The following ZNF462 variants were observed in gnomAD, a reference collection of about 807,000 sequenced individuals.
ZNF462 encodes zinc finger PBX1-interacting protein.
ZNF462 carries 10 observed loss-of-function variants against 201.9 expected under a neutral mutation model. That is an observed-to-expected ratio of 0.05 (90% CI 0.03 to 0.08). The LOEUF (loss-of-function observed/expected upper bound fraction) is 0.08. ZNF462 is among the 10% of genes least tolerant of loss of function. The pLI is 1.00. For synonymous variants in ZNF462, 1,227 were observed against 1,193.3 expected (o/e 1.03, Z -0.58); for missense variants, 2,523 against 3,168.3 (o/e 0.80, Z 4.89).
rs1470428784 is a variant in ZNF462, at chr9:106,993,913, GAC to G, written c.7057-9379_7057-9378del. On this transcript the variant is annotated intron_variant, in intron 10 of 12. Coordinates refer to ENST00000277225, the MANE Select transcript of ZNF462 (RefSeq NM_021224.6). This position sits in a 1 kb window ranked among gnomAD's most constrained non-coding sequence, Gnocchi z 4.0. ...GTGTGAGCCACTGTGCCCAGCCTAA[GAC>G]AACATCTTTAGGAACCTTAAAGTCA... Among the ~76,000 whole-genome samples the G allele has an allele frequency of 6.6e-6, 1 of 151,932 alleles. No homozygotes were observed. Among genetic ancestry groups the G allele is most frequent in the African/African-American group, 2.4e-5 (1 of 41,372 alleles).
At chr9:106,939,249 T>C (rs1009954108) in intron 7 of ZNF462, 142 bp downstream of exon 7, 2 of 939,766 alleles carry the variant, frequency 2.1e-6, no homozygotes, top group South Asian at 1.9e-5. Context: ...AAAGTTGAAA[T>C]GGTGTGGAAG....
intron 7 of ZNF462, among the ~76,000 whole-genome samples, chr9:106,940,677 G>A (rs948969305): frequency 3.3e-5 from 5 of 152,080 alleles, no homozygotes; most frequent in Non-Finnish European, 7.4e-5. Context: ...TGATGGCTAC[G>A]ACTTGTAATG....
chr9:106,974,098 G>C lies in ZNF462; in HGVS notation c.6696-39G>C, dbSNP rs200424655. ...GAAATGTGAAAATGCAATGATCCCT[G>C]GTTACACGCATCACCTCTCCTCCCA... On this transcript the variant is annotated intron_variant, in intron 8 of 12. Transcript: ENST00000277225. The surrounding 1 kb of genome is among the most constrained non-coding windows in gnomAD (Gnocchi z 4.0). The C allele has an allele frequency of 3.7e-5, 59 of 1,612,978 alleles. No individual in the cohort carries two copies. Among genetic ancestry groups the C allele is most frequent in the Admixed American group, 3.3e-4 (20 of 59,964 alleles).
rs1435697444 is a variant in ZNF462, at chr9:106,935,861, C to A, written c.6235+240C>A. 6.6e-6 allele frequency among the ~76,000 whole-genome samples: 1 copy of A among 152,172 alleles called. No individual in the cohort carries two copies. The highest frequency in any genetic ancestry group is 2.4e-5 in the African/African-American group (1 of 41,430). ...TATGTCACCCATGTTATGGTTAGTT[C>A]GTTCGTCCTACTGACAAGTTAGAAT... On this transcript the variant is annotated intron_variant, in intron 6 of 12. Transcript: ENST00000277225. The surrounding 1 kb of genome is among the most constrained non-coding windows in gnomAD (Gnocchi z 4.1).
rs1827302035 is a variant in ZNF462 at position 106,865,750 on chromosome 9, C to G, written c.-31+2395C>G. ...ATGTCAGTTGAGAAAACCTTATGTCCAGGTATCTTCACCTTTTTAATTGGG... is the reference window on the plus strand; with the variant it reads ...ATGTCAGTTGAGAAAACCTTATGTCGAGGTATCTTCACCTTTTTAATTGGG... On this transcript the variant is annotated intron_variant, in intron 1 of 12. Coordinates refer to ENST00000277225, the MANE Select transcript of ZNF462 (RefSeq NM_021224.6). The surrounding 1 kb of genome is among the most constrained non-coding windows in gnomAD (Gnocchi z 4.1). Among the ~76,000 whole-genome samples the G allele has an allele frequency of 1.3e-5, 2 of 152,132 alleles. No individual in the cohort carries two copies. Among genetic ancestry groups the G allele is most frequent in the African/African-American group, 4.8e-5 (2 of 41,436 alleles).
At chr9:106,908,409 C>T (rs1266595305) in intron 1 of ZNF462, among the ~76,000 whole-genome samples, 1 of 151,996 alleles carries the variant, frequency 6.6e-6, no homozygotes, top group Middle Eastern at 3.2e-3. Flanking sequence ...ATTAAGTGTT[C>T]ATCTCTATCA....
In ZNF462 at chr9:106,905,215, C is replaced by T. The variant is rs1355496607; in HGVS notation, c.-30-18139C>T. ...CTCTCTTCTGGGTCTAGCTACCCAG[C>T]GAGTCCACCCAGCAACAGGCTGGTT... On this transcript the variant is annotated intron_variant, in intron 1 of 12. Coordinates refer to ENST00000277225, the MANE Select transcript of ZNF462 (RefSeq NM_021224.6). This position sits in a 1 kb window ranked among gnomAD's most constrained non-coding sequence, Gnocchi z 5.9. Among the ~76,000 whole-genome samples, 7 of 152,166 alleles carry T rather than the reference C, an allele frequency of 4.6e-5. No homozygotes were observed. The highest frequency in any genetic ancestry group is 5.9e-5 in the Non-Finnish European group (4 of 68,038).
intron 10 of ZNF462, among the ~76,000 whole-genome samples, chr9:106,990,839 A>C (rs1828216114): frequency 6.6e-6 from 1 of 152,004 alleles, no homozygotes; most frequent in African/African-American, 2.4e-5. Context: ...TGAATTTTTG[A>C]AATAATTCTC....
At position 106,993,437 on chromosome 9, in the gene ZNF462, C is replaced by T. The variant is rs1281419579; in HGVS notation, c.7056+9028C>T. On this transcript the variant is annotated intron_variant, in intron 10 of 12. Coordinates refer to ENST00000277225, the MANE Select transcript of ZNF462 (RefSeq NM_021224.6). This position sits in a 1 kb window ranked among gnomAD's most constrained non-coding sequence, Gnocchi z 4.0. Reference sequence around the variant, plus strand: ...TAGGTGATAAACACAATCTTTCCTCCTAGATCTTTATCTTTGTTACTAGTG... The same window carrying T: ...TAGGTGATAAACACAATCTTTCCTCTTAGATCTTTATCTTTGTTACTAGTG... Among the ~76,000 whole-genome samples the T allele has an allele frequency of 2.0e-5, 3 of 152,116 alleles. No homozygotes were observed. Among genetic ancestry groups the T allele is most frequent in the African/African-American group, 7.2e-5 (3 of 41,416 alleles).
chr9:106,972,131 A>G lies in ZNF462; in HGVS notation c.6554A>G (p.Gln2185Arg). Reference protein sequence around the residue: ...PLSGAAAGTEQKTEAVLHCEF... With the variant: ...PLSGAAAGTERKTEAVLHCEF... ...TCTGGGGCTGCTGCTGGCACTGAGC[A>G]GAAAACTGAAGCCGTGCTTCACTGC... The change falls in exon 8 of 13, where the codon CAG (glutamine) becomes CGG (arginine). Residue 2185 changes from glutamine (Q) to arginine (R), a missense_variant. By Grantham distance (43) the Gln-to-Arg change is conservative. Coordinates refer to ENST00000277225, the MANE Select transcript of ZNF462 (RefSeq NM_021224.6). This position sits in a 1 kb window ranked among gnomAD's most constrained non-coding sequence, Gnocchi z 4.8. The G allele has an allele frequency of 6.2e-7, 1 of 1,614,232 alleles. No homozygotes were observed. Among genetic ancestry groups the G allele is most frequent in the Non-Finnish European group, 8.5e-7 (1 of 1,180,030 alleles).
chr9:106,907,319 A>C lies in ZNF462; in HGVS notation c.-30-16035A>C, dbSNP rs181950533. Among the ~76,000 whole-genome samples the C allele has an allele frequency of 2.6e-3, 396 of 152,246 alleles. 4 individuals are homozygous for C. The highest frequency in any genetic ancestry group is 8.9e-3 in the African/African-American group (370 of 41,568). On this transcript the variant is annotated intron_variant, in intron 1 of 12. Transcript: ENST00000277225. ...TACATTGGTAACAATCTTGTGCTTG[A>C]GACTTTAGACCAGTTTAAAAAGCAT...
At chr9:106,868,543 T>C (rs948434789) in intron 1 of ZNF462, among the ~76,000 whole-genome samples, 4 of 152,188 alleles carry the variant, frequency 2.6e-5, no homozygotes, top group Admixed American at 6.5e-5. Flanking sequence ...ACACTGTAAG[T>C]AAGGACTATT....
In ZNF462 at chr9:106,865,917, A is replaced by G. The variant is rs562374271; in HGVS notation, c.-31+2562A>G. On this transcript the variant is annotated intron_variant, in intron 1 of 12. Transcript: ENST00000277225. This position sits in a 1 kb window ranked among gnomAD's most constrained non-coding sequence, Gnocchi z 4.1. Reference sequence around the variant, plus strand: ...TGTACATAATTGACCCAAGCAAAGAACTAAATCCCGAAATGCTTCAGGAAT... The same window carrying G: ...TGTACATAATTGACCCAAGCAAAGAGCTAAATCCCGAAATGCTTCAGGAAT... Among the ~76,000 whole-genome samples, 203 of 152,330 alleles carry G rather than the reference A, an allele frequency of 1.3e-3. No individual in the cohort carries two copies. Among genetic ancestry groups the G allele is most frequent in the Non-Finnish European group, 2.0e-3 (137 of 68,014 alleles).
At chr9:106,936,891 G>A (rs558214468) in intron 6 of ZNF462, among the ~76,000 whole-genome samples, 1 of 152,252 alleles carries the variant, frequency 6.6e-6, no homozygotes, top group South Asian at 2.1e-4. Context: ...CAAAAAACTG[G>A]CCTCCCTGTA....
rs775084279 is a variant in ZNF462 at position 106,993,194 on chromosome 9, C to G, written c.7056+8785C>G. On this transcript the variant is annotated intron_variant, in intron 10 of 12. Coordinates refer to ENST00000277225, the MANE Select transcript of ZNF462 (RefSeq NM_021224.6). This position sits in a 1 kb window ranked among gnomAD's most constrained non-coding sequence, Gnocchi z 4.0. ...ACATTCAAAACTGGACTTCTGAATTCTGCCTGCAAAGGTTATAAACCTCAG... is the reference window on the plus strand; with the variant it reads ...ACATTCAAAACTGGACTTCTGAATTGTGCCTGCAAAGGTTATAAACCTCAG... Among the ~76,000 whole-genome samples, 2 of 152,158 alleles carry G rather than the reference C, an allele frequency of 1.3e-5. No homozygotes were observed. The highest frequency in any genetic ancestry group is 2.9e-5 in the Non-Finnish European group (2 of 68,004).
At chr9:106,882,918 T>G (rs1229483122) in intron 1 of ZNF462, among the ~76,000 whole-genome samples, 2 of 152,166 alleles carry the variant, frequency 1.3e-5, no homozygotes, top group Middle Eastern at 3.2e-3. Flanking sequence ...ATGATGAGTA[T>G]GTAGTGTTTC....
In ZNF462 at chr9:106,930,417, A is replaced by C; in HGVS notation, c.5848-108A>C. ...CTCGCCTATATCTCCCTTGGTTTTT[A>C]ACCTGCTAATCGGCTTTAAAATAAA... On this transcript the variant is annotated intron_variant, in intron 3 of 12. Transcript: ENST00000277225. The surrounding 1 kb of genome is among the most constrained non-coding windows in gnomAD (Gnocchi z 5.8). The C allele has an allele frequency of 7.0e-7, 1 of 1,420,844 alleles. No individual in the cohort carries two copies. Among genetic ancestry groups the C allele is most frequent in the Non-Finnish European group, 9.5e-7 (1 of 1,053,094 alleles). 88.0% of individuals were successfully genotyped at this position (1,420,844 alleles called of 1,614,324 possible). A position where few individuals can be genotyped will look rare whatever the true frequency, so the allele number is the denominator to read the frequency against.
chr9:106,929,435 CGAG>C lies in ZNF462; in HGVS notation c.5524_5526del (p.Glu1842del). ...AGGTGGAGGGTGAAGCTCAGGAAAT[CGAG>C]TGGCTCCCATTCCGCTGCATCAAAT... On this transcript the variant is annotated inframe_deletion, in exon 3 of 13. Transcript: ENST00000277225. This position sits in a 1 kb window ranked among gnomAD's most constrained non-coding sequence, Gnocchi z 8.7. 1 of 1,614,052 alleles carries C rather than the reference CGAG, an allele frequency of 6.2e-7. No individual in the cohort carries two copies. The highest frequency in any genetic ancestry group is 8.5e-7 in the Non-Finnish European group (1 of 1,180,034).
intron 1 of ZNF462, among the ~76,000 whole-genome samples, chr9:106,875,577 C>T (rs1229845546): frequency 6.6e-6 from 1 of 152,202 alleles, no homozygotes; most frequent in African/African-American, 2.4e-5. Flanking sequence ...CCCTTCCTTT[C>T]CTCCAAATTA....
Sources: allele counts gnomAD v4.1 joint callset (sites outside exome capture counted in the v4.1 genomes callset), GRCh38; gene constraint gnomAD v4.1.1; non-coding constraint Gnocchi (gnomAD v3.1); transcripts MANE v1.5; gene names NCBI Gene and HGNC (gene_info 2026-07-23, HGNC 2026-07-21).